Variants in EPS15 observed in about 807,000 individuals in gnomAD.
The protein encoded by EPS15 is epidermal growth factor receptor substrate 15.
Under a neutral mutation model 113.8 loss-of-function variants are expected in EPS15, and 72 were observed. That is an observed-to-expected ratio of 0.63 (90% CI 0.52 to 0.77). The LOEUF (loss-of-function observed/expected upper bound fraction) is 0.77. Ranked by LOEUF, EPS15 falls within the 30% of genes least tolerant of loss-of-function variation. EPS15 has a pLI of 0.00. For synonymous variants in EPS15, 344 were observed against 363.4 expected (o/e 0.95, Z 0.61); for missense variants, 1,048 against 1,045.8 (o/e 1.00, Z -0.03).
At chr1:51,477,410 G>A (rs941771737) in intron 2 of EPS15, among the ~76,000 whole-genome samples, 1 of 151,990 alleles carries the variant, frequency 6.6e-6, no homozygotes, top group African/African-American at 2.4e-5. Context: ...ACCAGCTTCT[G>A]GATTCCCTGA....
intron 13 of EPS15, among the ~76,000 whole-genome samples, chr1:51,416,691 T>C (rs1453284732): frequency 1.3e-5 from 2 of 152,074 alleles, no homozygotes; most frequent in East Asian, 3.9e-4. Context: ...AATAAAACTT[T>C]CATTTTAGCA....
chr1:51,519,206 A>T lies in EPS15; in HGVS notation c.26T>A (p.Leu9Gln). The T allele has an allele frequency of 7.1e-7, 1 of 1,400,622 alleles. No homozygotes were observed. Among genetic ancestry groups the T allele is most frequent in the Non-Finnish European group, 9.4e-7 (1 of 1,062,798 alleles). The allele number at this position is 1,400,622 out of a possible 1,614,324, so 86.8% of individuals were successfully genotyped here. A position where few individuals can be genotyped will look rare whatever the true frequency, so the allele number is the denominator to read the frequency against. MAAAAQLS[L>Q]TQLSSGNPVY... ...ACGGGCGTGTGGCGTTACCTGTGTC[A>T]GAGAGAGCTGGGCCGCCGCAGCCAT... Residue 9 changes from leucine to glutamine, a missense_variant, in exon 1 of 25, where the codon CTG (leucine) becomes CAG (glutamine). By Grantham distance (113) the Leu-to-Gln change is moderately radical. Transcript: ENST00000371733.
chr1:51,357,982 G>C (rs914187772), intron 24 of EPS15, among the ~76,000 whole-genome samples: 1 of 151,930 alleles, frequency 6.6e-6, no homozygotes, highest in African/African-American at 2.4e-5. Flanking sequence ...CAGGTGATCC[G>C]CCCATCTCGG....
chr1:51,417,391 T>C (rs1286139228), intron 13 of EPS15, among the ~76,000 whole-genome samples: 1 of 152,188 alleles, frequency 6.6e-6, no homozygotes, highest in African/African-American at 2.4e-5. Context: ...TTAAATTGTA[T>C]ACACAAAACC....
At position 51,487,377 on chromosome 1, in the gene EPS15, T is replaced by A. The variant is rs918135227; in HGVS notation, c.34-6063A>T. Reference sequence around the variant, plus strand: ...AGAAATTGTTTTTGAAAACAGACTTTAAATGGAGCTATTTTATTGATCTAC... The same window carrying A: ...AGAAATTGTTTTTGAAAACAGACTTAAAATGGAGCTATTTTATTGATCTAC... On this transcript the variant is annotated intron_variant, in intron 1 of 24. Transcript: ENST00000371733. 6.6e-5 allele frequency among the ~76,000 whole-genome samples: 10 copies of A among 152,324 alleles called. No individual in the cohort carries two copies. In the East Asian group the frequency reaches 1.9e-3, roughly 29 times the overall value.
intron 8 of EPS15, among the ~76,000 whole-genome samples, chr1:51,454,517 C>G (rs1043224743): frequency 6.6e-6 from 1 of 152,176 alleles, no homozygotes; most frequent in African/African-American, 2.4e-5. Flanking sequence ...AAAAGCATTA[C>G]GCCTCCGTGT....
chr1:51,495,357 T>G (rs1263537002), intron 1 of EPS15, among the ~76,000 whole-genome samples: 1 of 151,790 alleles, frequency 6.6e-6, no homozygotes, highest in Admixed American at 6.6e-5. Flanking sequence ...ATTTTTATTT[T>G]TTTTTTTGCT....
chr1:51,461,257 A>G, intron 7 of EPS15, 107 bp from the exon 8 acceptor site: 1 of 765,306 alleles, frequency 1.3e-6, no homozygotes, highest in Admixed American at 2.1e-5. Flanking sequence ...TCATGCCCAT[A>G]TGGCCTCCCA....
chr1:51,470,078 A>G (rs79386181), intron 4 of EPS15, among the ~76,000 whole-genome samples: 3,866 of 152,270 alleles, frequency 0.025, 65 homozygotes, highest in Non-Finnish European at 0.039. Flanking sequence ...TCTATTTGAG[A>G]TTCAATTACT....
intron 19 of EPS15, among the ~76,000 whole-genome samples, chr1:51,400,153 A>G (rs1648376647): frequency 6.6e-6 from 1 of 152,238 alleles, no homozygotes; most frequent in South Asian, 2.1e-4. Context: ...AATGGTAAAC[A>G]AGATTTGCAT....
intron 1 of EPS15, among the ~76,000 whole-genome samples, chr1:51,505,670 A>G (rs2148557003): frequency 6.6e-6 from 1 of 152,358 alleles, no homozygotes; most frequent in East Asian, 1.9e-4. Flanking sequence ...TATGTGAATT[A>G]CATCTCAATT....
intron 21 of EPS15, among the ~76,000 whole-genome samples, chr1:51,368,840 C>T: frequency 6.6e-6 from 1 of 152,092 alleles, no homozygotes; most frequent in South Asian, 2.1e-4. Context: ...TGACCTCAAG[C>T]AATCTGCCGG....
chr1:51,402,163 A>ACACATACATAC (rs1648624644), intron 18 of EPS15, among the ~76,000 whole-genome samples: 1 of 144,788 alleles, frequency 6.9e-6, no homozygotes, highest in Non-Finnish European at 1.5e-5. Flanking sequence ...TAAATAAATA[A>ACACATACATAC]ATACACACAT....
At chr1:51,478,268 G>A (rs1415293954) in intron 2 of EPS15, among the ~76,000 whole-genome samples, 1 of 152,174 alleles carries the variant, frequency 6.6e-6, no homozygotes, top group Non-Finnish European at 1.5e-5. Context: ...CAGACACTAG[G>A]ATTGCAACCC....
At chr1:51,484,850 T>C (rs6659310) in intron 1 of EPS15, among the ~76,000 whole-genome samples, 45,537 of 152,162 alleles carry the variant, frequency 0.3, 9,155 homozygotes, top group African/African-American at 0.57. Context: ...CAGCTGGCTA[T>C]GTCAGTGGGA....
At chr1:51,357,021 G>A (rs553666110) in intron 24 of EPS15, among the ~76,000 whole-genome samples, 175 bp from the exon 25 acceptor site, 2 of 151,678 alleles carry the variant, frequency 1.3e-5, no homozygotes, top group African/African-American at 4.8e-5. Flanking sequence ...CAGTTATTAA[G>A]CTATAGTTTA....
At chr1:51,490,732 C>A (rs1644218082) in intron 1 of EPS15, among the ~76,000 whole-genome samples, 1 of 152,032 alleles carries the variant, frequency 6.6e-6, no homozygotes, top group Admixed American at 6.5e-5. Flanking sequence ...GAGGGTAACA[C>A]AAAGGATCTT....
At chr1:51,377,093 C>T (rs1014465841) in intron 21 of EPS15, among the ~76,000 whole-genome samples, 1 of 152,116 alleles carries the variant, frequency 6.6e-6, no homozygotes, top group African/African-American at 2.4e-5. Context: ...ACAGTGAAAC[C>T]CTGTCTCTAC....
At chr1:51,460,013 A>G (rs1654310601) in intron 8 of EPS15, among the ~76,000 whole-genome samples, 1 of 152,196 alleles carries the variant, frequency 6.6e-6, no homozygotes, top group African/African-American at 2.4e-5. Flanking sequence ...AAGTCAAAAT[A>G]TAATAGAAAG....
Sources: allele counts gnomAD v4.1 joint callset (sites outside exome capture counted in the v4.1 genomes callset), GRCh38; gene constraint gnomAD v4.1.1; transcripts MANE v1.5; gene names NCBI Gene and HGNC (gene_info 2026-07-23, HGNC 2026-07-21).